Variants in RBM20 observed in about 807,000 individuals in gnomAD.
The protein encoded by RBM20 is RNA binding motif protein 20.
RBM20 carries 51 observed loss-of-function variants against 110.1 expected under a neutral mutation model. The observed-to-expected ratio is 0.46, with a 90% CI of 0.37 to 0.59. RBM20 has a LOEUF of 0.59. Among genes scored for constraint, RBM20 ranks in the 20% least tolerant of loss-of-function variants. RBM20 has a pLI of 0.00. For synonymous variants in RBM20, 589 were observed against 618.2 expected (o/e 0.95, Z 0.70); for missense variants, 1,512 against 1,574.9 (o/e 0.96, Z 0.68).
At chr10:110,774,016 G>A (rs776781567) in intron 1 of RBM20, among the ~76,000 whole-genome samples, 5 of 152,120 alleles carry the variant, frequency 3.3e-5, no homozygotes, top group East Asian at 3.8e-4. Context: ...TTTAATGAAC[G>A]TGTAAACAGA....
At chr10:110,748,683 TTCTCTCTC>T (rs970403384) in intron 1 of RBM20, among the ~76,000 whole-genome samples, 19 of 150,234 alleles carry the variant, frequency 1.3e-4, no homozygotes, top group Admixed American at 1.3e-3. Context: ...CTCTCTCTCT[TTCTCTCTC>T]TCTCGCTCTC....
chr10:110,764,050 C>G (rs1176035013), intron 1 of RBM20, among the ~76,000 whole-genome samples: 1 of 152,122 alleles, frequency 6.6e-6, no homozygotes, highest in Non-Finnish European at 1.5e-5. Flanking sequence ...ACTCACTTTT[C>G]CTCCTGAAAG....
chr10:110,747,452 A>T (rs750653414), intron 1 of RBM20, among the ~76,000 whole-genome samples: 1 of 152,066 alleles, frequency 6.6e-6, no homozygotes, highest in African/African-American at 2.4e-5. Context: ...AGAGACAGTC[A>T]TTGCCACCTC....
chr10:110,796,675 C>A (rs1832179273), intron 5 of RBM20, among the ~76,000 whole-genome samples: 1 of 152,128 alleles, frequency 6.6e-6, no homozygotes, highest in South Asian at 2.1e-4. Context: ...ATGGCTTGAG[C>A]CCAGGAGTTC....
chr10:110,647,591 G>T (rs1034608512), intron 1 of RBM20, among the ~76,000 whole-genome samples: 1 of 152,068 alleles, frequency 6.6e-6, no homozygotes, highest in Non-Finnish European at 1.5e-5. Flanking sequence ...GGAGATTTGG[G>T]ATAAGTTAGG....
chr10:110,805,105 G>A (rs10218962), intron 7 of RBM20, among the ~76,000 whole-genome samples: 6,278 of 152,268 alleles, frequency 0.041, 464 homozygotes, highest in African/African-American at 0.14. Context: ...ACAAGACATG[G>A]TTCTCAGTTG....
At chr10:110,699,684 A>G (rs1280633589) in intron 1 of RBM20, among the ~76,000 whole-genome samples, 1 of 152,092 alleles carries the variant, frequency 6.6e-6, no homozygotes, top group Non-Finnish European at 1.5e-5. Context: ...CCCCTTATCC[A>G]TGGAGGATAT....
chr10:110,781,990 TAACAG>T, intron 2 of RBM20, 106 bp downstream of exon 2: 2 of 1,386,018 alleles, frequency 1.4e-6, no homozygotes, highest in Non-Finnish European at 2.0e-6. Context: ...TGCATTGGGG[TAACAG>T]AATTTTGCCA....
At chr10:110,683,065 C>T (rs1008721317) in intron 1 of RBM20, among the ~76,000 whole-genome samples, 1 of 148,936 alleles carries the variant, frequency 6.7e-6, no homozygotes, top group Non-Finnish European at 1.5e-5. Flanking sequence ...TGTCATTGAT[C>T]ACAATTTTTG....
intron 7 of RBM20, among the ~76,000 whole-genome samples, chr10:110,809,943 C>G (rs559020958): frequency 9.2e-5 from 14 of 152,226 alleles, no homozygotes; most frequent in Non-Finnish European, 1.5e-4. Flanking sequence ...CTCTCTGGCT[C>G]TAAGTTTCCA....
chr10:110,803,729 A>G (rs542557973), intron 7 of RBM20, among the ~76,000 whole-genome samples: 9 of 129,972 alleles, frequency 6.9e-5, no homozygotes, highest in Non-Finnish European at 1.3e-4. Context: ...TGCATGCTTT[A>G]TGGTCCCTAT....
chr10:110,672,698 A>G (rs75399357), intron 1 of RBM20, among the ~76,000 whole-genome samples: 3,218 of 152,330 alleles, frequency 0.021, 94 homozygotes, highest in African/African-American at 0.068. Context: ...TGGAGTGGGA[A>G]GGCAACTTTC....
At chr10:110,734,594 A>G (rs1239162151) in intron 1 of RBM20, among the ~76,000 whole-genome samples, 2 of 144,996 alleles carry the variant, frequency 1.4e-5, no homozygotes, top group African/African-American at 5.1e-5. Context: ...TTTTTCTATC[A>G]TGGAACCAAT....
At chr10:110,815,945 G>A (rs941611700) in intron 9 of RBM20, among the ~76,000 whole-genome samples, 5 of 152,132 alleles carry the variant, frequency 3.3e-5, no homozygotes, top group African/African-American at 4.8e-5. Flanking sequence ...GTGTGTGTTG[G>A]AATGACTGCA....
chr10:110,796,583 A>G (rs567696377), intron 5 of RBM20, among the ~76,000 whole-genome samples: 1 of 152,318 alleles, frequency 6.6e-6, no homozygotes, highest in African/African-American at 2.4e-5. Flanking sequence ...GTTTATACAA[A>G]AAATAAAAAT....
chr10:110,800,659 C>T (rs1844610676), intron 7 of RBM20, among the ~76,000 whole-genome samples: 1 of 152,238 alleles, frequency 6.6e-6, no homozygotes, highest in Non-Finnish European at 1.5e-5. Flanking sequence ...TTCAACCCCT[C>T]CCTCTCTACT....
chr10:110,799,707 C>G (rs576937628), intron 6 of RBM20, 80 bp from the exon 7 acceptor site: 3 of 1,381,354 alleles, frequency 2.2e-6, no homozygotes, highest in African/African-American at 2.9e-5. Context: ...ACTTCATAGA[C>G]GTGGAATCAT....
intron 1 of RBM20, among the ~76,000 whole-genome samples, chr10:110,655,687 C>T (rs143455664): frequency 6.6e-6 from 1 of 152,318 alleles, no homozygotes; most frequent in Non-Finnish European, 1.5e-5. Flanking sequence ...TCTTTGCAGA[C>T]ATTGTTACAA....
At chr10:110,768,848 C>T (rs71481109) in intron 1 of RBM20, among the ~76,000 whole-genome samples, 4,524 of 152,228 alleles carry the variant, frequency 0.03, 83 homozygotes, top group East Asian at 0.052. Context: ...AAATATTTAT[C>T]GATTTGCATG....
Sources: allele counts gnomAD v4.1 joint callset (sites outside exome capture counted in the v4.1 genomes callset), GRCh38; gene constraint gnomAD v4.1.1; transcripts MANE v1.5; gene names NCBI Gene and HGNC (gene_info 2026-07-23, HGNC 2026-07-21).